NDRG3: variants seen among roughly 807,000 people sequenced by gnomAD.
NDRG3 encodes the protein protein NDRG3.
In NDRG3, 23 loss-of-function variants were observed where a neutral mutation model predicts 57.2. That is an observed-to-expected ratio of 0.40 (90% CI 0.29 to 0.57). The LOEUF is 0.57. Among genes scored for constraint, NDRG3 ranks in the 20% least tolerant of loss-of-function variants. The pLI, the probability that NDRG3 is intolerant of heterozygous loss-of-function variation, is 0.42. For missense variants in NDRG3, 384 were observed against 457.3 expected, an observed-to-expected ratio of 0.84 and a Z score of 1.46; for synonymous variants, 132 against 162.6, an observed-to-expected ratio of 0.81 and a Z score of 1.43.
chr20:36,678,269 A>T (rs1179614902), intron 8 of NDRG3, among the ~76,000 whole-genome samples: 1 of 152,184 alleles, frequency 6.6e-6, no homozygotes, highest in Non-Finnish European at 1.5e-5. Flanking sequence ...CACATACAGA[A>T]TATTTTTTAA....
chr20:36,713,982 A>G (rs1984069343), intron 2 of NDRG3, among the ~76,000 whole-genome samples: 1 of 152,204 alleles, frequency 6.6e-6, no homozygotes, highest in Admixed American at 6.5e-5. Context: ...AAAAGTGGAA[A>G]CAAAGATGGG....
chr20:36,740,198 C>T (rs960730489), intron 1 of NDRG3, among the ~76,000 whole-genome samples: 22 of 152,208 alleles, frequency 1.4e-4, no homozygotes, highest in African/African-American at 5.3e-4. Flanking sequence ...CCATATAACA[C>T]ATTCTTCCCA....
At chr20:36,721,658 T>G in intron 2 of NDRG3, 21 bp downstream of exon 2, 1 of 1,498,834 alleles carries the variant, frequency 6.7e-7, no homozygotes, top group African/African-American at 1.4e-5. Flanking sequence ...CATATTTTAG[T>G]GAAAACAGAA....
chr20:36,675,139 A>C (rs1980559026), intron 8 of NDRG3, among the ~76,000 whole-genome samples: 4 of 147,258 alleles, frequency 2.7e-5, no homozygotes, highest in African/African-American at 7.6e-5. Flanking sequence ...GACTCACTAC[A>C]ACCTCCACCT....
chr20:36,666,140 T>C, intron 10 of NDRG3, 149 bp downstream of exon 10: 1 of 628,480 alleles, frequency 1.6e-6, no homozygotes, highest in East Asian at 2.8e-5. Context: ...CCTCAATCTT[T>C]GTCCATGTTT....
chr20:36,694,175 G>C (rs1226231355), intron 3 of NDRG3, among the ~76,000 whole-genome samples: 2 of 152,086 alleles, frequency 1.3e-5, no homozygotes, highest in African/African-American at 2.4e-5. Flanking sequence ...CCATCTCAAG[G>C]GTGGCAAAGA....
chr20:36,697,964 T>A (rs1477576138), intron 3 of NDRG3, among the ~76,000 whole-genome samples: 12 of 133,390 alleles, frequency 9.0e-5, no homozygotes, highest in Admixed American at 4.4e-4. Flanking sequence ...TTCTTTTTTC[T>A]TTTTTTTTTT....
At chr20:36,682,818 G>A (rs755743878) in intron 6 of NDRG3, among the ~76,000 whole-genome samples, 9 of 152,150 alleles carry the variant, frequency 5.9e-5, no homozygotes, top group Admixed American at 2.0e-4. Context: ...TTGGGAGGCC[G>A]AGGCAGGCGG....
intron 3 of NDRG3, among the ~76,000 whole-genome samples, chr20:36,693,072 CAAAAAAAAAAAAAAAAAAAAAAAA>C (rs1166724972): frequency 2.2e-4 from 1 of 4,528 alleles, no homozygotes; most frequent in Admixed American, 6.5e-3. Context: ...GACCCTGTCT[CAAAAAAAAAAAAAAAAAAAAAAAA>C]AAAAAAAAAA....
intron 1 of NDRG3, among the ~76,000 whole-genome samples, chr20:36,740,330 A>C (rs1985865238): frequency 6.6e-6 from 1 of 152,204 alleles, no homozygotes; most frequent in African/African-American, 2.4e-5. Context: ...AGTGCACCCC[A>C]GTTGGCCATC....
intron 12 of NDRG3, among the ~76,000 whole-genome samples, chr20:36,660,820 A>G (rs1438672980): frequency 1.3e-5 from 2 of 152,132 alleles, no homozygotes; most frequent in East Asian, 1.9e-4. Flanking sequence ...TCGGCCTCCC[A>G]AAGTGCTGGG....
intron 1 of NDRG3, among the ~76,000 whole-genome samples, chr20:36,737,584 A>C (rs1341911929): frequency 6.6e-6 from 1 of 152,176 alleles, no homozygotes; most frequent in Non-Finnish European, 1.5e-5. Flanking sequence ...ACAGATGAAG[A>C]AACTGAAGCT....
intron 3 of NDRG3, among the ~76,000 whole-genome samples, chr20:36,706,284 G>T (rs185704441): frequency 7.9e-5 from 12 of 152,252 alleles, no homozygotes; most frequent in Admixed American, 2.0e-4. Context: ...TTTAGGGAAA[G>T]ATTTTACTGT....
At position 36,665,299 on chromosome 20, in the gene NDRG3, C is replaced by T. The variant is rs199601205; in HGVS notation, c.695G>A (p.Arg232His). ...GGGTCTTTCGATCTCCAGGTCTCTGCGTCTAGAAAAACAAAGCAGAAGCAA... is the reference window on the plus strand; with the variant it reads ...GGGTCTTTCGATCTCCAGGTCTCTGTGTCTAGAAAAACAAAGCAGAAGCAA... ...LQLFLNSYNG[R>H]RDLEIERPIL... The change falls in exon 11 of 16, where the codon CGC (arginine) becomes CAC (histidine). Residue 232 changes from arginine to histidine, a missense_variant and splice_region_variant. Arg to His is a conservative substitution (Grantham distance 29). Coordinates refer to ENST00000349004, the MANE Select transcript of NDRG3 (RefSeq NM_032013.4). 166 of 1,614,018 alleles carry T rather than the reference C, an allele frequency of 1.0e-4. No individual in the cohort carries two copies. Among genetic ancestry groups the T allele is most frequent in the Non-Finnish European group, 1.3e-4 (159 of 1,179,928 alleles).
chr20:36,668,831 A>AGT (rs2148051265), intron 9 of NDRG3, among the ~76,000 whole-genome samples: 1 of 151,598 alleles, frequency 6.6e-6, no homozygotes, highest in East Asian at 1.9e-4. Context: ...ATAGCGAGAG[A>AGT]AATATATATA....
chr20:36,686,709 A>G lies in NDRG3; in HGVS notation c.320+783T>C, dbSNP rs142196929. On this transcript the variant is annotated intron_variant, in intron 5 of 15. Coordinates refer to ENST00000349004, the MANE Select transcript of NDRG3 (RefSeq NM_032013.4). ...AGCCAATCAATCACCCCACACCTCTATCTGCCAGGACAGCCTCTCAGAATA... is the reference window on the plus strand; with the variant it reads ...AGCCAATCAATCACCCCACACCTCTGTCTGCCAGGACAGCCTCTCAGAATA... 6.2e-4 allele frequency among the ~76,000 whole-genome samples: 94 copies of G among 152,324 alleles called. No homozygotes were observed. In the East Asian group the frequency reaches 0.011, roughly 18 times the overall value.
chr20:36,703,421 C>CTTATCTAT (rs1983363091), intron 3 of NDRG3, among the ~76,000 whole-genome samples: 5 of 146,912 alleles, frequency 3.4e-5, no homozygotes, highest in African/African-American at 1.3e-4. Context: ...TATGTAATAT[C>CTTATCTAT]CTATCTATCT....
intron 3 of NDRG3, among the ~76,000 whole-genome samples, chr20:36,701,303 A>G (rs2148158138): frequency 1.3e-5 from 2 of 152,204 alleles, no homozygotes; most frequent in East Asian, 3.9e-4. Flanking sequence ...CTGGGAAGCC[A>G]AGGTGAGAGT....
chr20:36,658,691 T>C (rs1269768405), intron 13 of NDRG3, among the ~76,000 whole-genome samples: 4 of 152,118 alleles, frequency 2.6e-5, no homozygotes, highest in Non-Finnish European at 5.9e-5. Flanking sequence ...CTCAACACTT[T>C]AGTAGAGGCT....
Sources: gnomAD v4.1 joint callset for allele counts (sites outside exome capture counted in the v4.1 genomes callset) on GRCh38, gnomAD v4.1.1 for gene constraint, MANE v1.5 for transcripts, NCBI Gene and HGNC (gene_info 2026-07-23, HGNC 2026-07-21) for gene names.